STXBP5: variants seen among roughly 807,000 people sequenced by gnomAD.
STXBP5 encodes the protein syntaxin binding protein 5, also known as syntaxin-binding protein 5.
In STXBP5, 50 loss-of-function variants were observed where a neutral mutation model predicts 152.4. The ratio of observed to expected loss-of-function variants is 0.33; its 90% CI spans 0.26 to 0.42. STXBP5 has a LOEUF of 0.42. Ranked by LOEUF, STXBP5 falls within the 10% of genes least tolerant of loss-of-function variation. STXBP5 has a pLI of 1.00. For missense variants in STXBP5, 1,167 were observed against 1,388.6 expected, an observed-to-expected ratio of 0.84 and a Z score of 2.54; for synonymous variants, 492 against 494.7, an observed-to-expected ratio of 0.99 and a Z score of 0.07.
rs553098369 is a variant in STXBP5 at position 147,204,795 on chromosome 6, A to C, written c.150+113A>C. On this transcript the variant is annotated intron_variant, in intron 1 of 27. Coordinates refer to ENST00000321680, the MANE Select transcript of STXBP5 (RefSeq NM_001127715.4). The surrounding 1 kb of genome is among the most constrained non-coding windows in gnomAD (Gnocchi z 4.3). ...AGGGAAGAGAACGCCAATAATAATA[A>C]TAATAACTCTAATAAAAGGCTCGCT... The C allele has an allele frequency of 2.5e-6, 3 of 1,183,022 alleles. No individual in the cohort carries two copies. The South Asian group carries it at 5.3e-5, about 21-fold the overall frequency. 73.3% of individuals were successfully genotyped at this position (1,183,022 alleles called of 1,614,324 possible).
At chr6:147,280,800 G>A (rs1199459784) in intron 8 of STXBP5, among the ~76,000 whole-genome samples, 2 of 152,142 alleles carry the variant, frequency 1.3e-5, no homozygotes, top group Non-Finnish European at 2.9e-5. Flanking sequence ...AAGACAATAT[G>A]TGACTTAATG....
At chr6:147,233,729 T>C (rs1778127904) in intron 2 of STXBP5, among the ~76,000 whole-genome samples, 1 of 151,624 alleles carries the variant, frequency 6.6e-6, no homozygotes, top group East Asian at 1.9e-4. Flanking sequence ...TTTTCTTTTT[T>C]TGGCCTATCA....
At chr6:147,239,905 T>C (rs1778452795) in intron 4 of STXBP5, among the ~76,000 whole-genome samples, 1 of 152,096 alleles carries the variant, frequency 6.6e-6, no homozygotes, top group Non-Finnish European at 1.5e-5. Flanking sequence ...TTCACCCCAA[T>C]TTGATTAATC....
intron 4 of STXBP5, among the ~76,000 whole-genome samples, chr6:147,250,480 A>G (rs1029063754): frequency 3.3e-5 from 5 of 152,188 alleles, no homozygotes; most frequent in Non-Finnish European, 5.9e-5. Flanking sequence ...GAAATGATTT[A>G]AAGTATATGG....
At chr6:147,275,549 CTTTTTTTTT>C (rs71031021) in intron 7 of STXBP5, among the ~76,000 whole-genome samples, 1,985 of 64,454 alleles carry the variant, frequency 0.031, 43 homozygotes, top group African/African-American at 0.12. Flanking sequence ...AGTAAATATT[CTTTTTTTTT>C]TTTTTTTTTT....
At chr6:147,254,023 G>A (rs1270222786) in intron 4 of STXBP5, among the ~76,000 whole-genome samples, 5 of 152,086 alleles carry the variant, frequency 3.3e-5, no homozygotes, top group Non-Finnish European at 7.4e-5. Context: ...GAGGCATCAC[G>A]CTACCTGACT....
At chr6:147,342,700 A>G (rs1562257979) in intron 21 of STXBP5, among the ~76,000 whole-genome samples, 1 of 152,144 alleles carries the variant, frequency 6.6e-6, no homozygotes, top group African/African-American at 2.4e-5. Context: ...CAAAAATTTG[A>G]AAGTATAGAG....
intron 18 of STXBP5, 105 bp downstream of exon 18, chr6:147,327,381 T>A (rs1783319212): frequency 7.5e-7 from 1 of 1,339,574 alleles, no homozygotes; most frequent in Non-Finnish European, 1.0e-6. Context: ...TTGCCTGATT[T>A]AGTCTGTATA....
At chr6:147,217,937 TAAATG>T (rs1654801662) in intron 2 of STXBP5, among the ~76,000 whole-genome samples, 1 of 152,208 alleles carries the variant, frequency 6.6e-6, no homozygotes, top group African/African-American at 2.4e-5. Context: ...TAGTTTTTCT[TAAATG>T]AGATTAGCAG....
intron 2 of STXBP5, among the ~76,000 whole-genome samples, chr6:147,213,109 G>A (rs1224101574): frequency 2.0e-5 from 3 of 152,082 alleles, no homozygotes; most frequent in African/African-American, 4.8e-5. Flanking sequence ...TTTGGTAATT[G>A]TATAGTGTAA....
intron 25 of STXBP5, among the ~76,000 whole-genome samples, chr6:147,370,483 G>A (rs1041343860): frequency 6.6e-6 from 1 of 152,058 alleles, no homozygotes; most frequent in African/African-American, 2.4e-5. Context: ...TCAATGGTAT[G>A]TTTATAGATT....
At chr6:147,316,827 A>G (rs1207921930) in intron 16 of STXBP5, among the ~76,000 whole-genome samples, 1 of 152,110 alleles carries the variant, frequency 6.6e-6, no homozygotes, top group Non-Finnish European at 1.5e-5. Flanking sequence ...AATCTTCACT[A>G]GCACCACCGT....
At chr6:147,218,002 A>G (rs2115068169) in intron 2 of STXBP5, among the ~76,000 whole-genome samples, 1 of 152,030 alleles carries the variant, frequency 6.6e-6, no homozygotes, top group East Asian at 2.0e-4. Context: ...TACTCTTATC[A>G]TGATGATGTG....
At chr6:147,369,490 A>G (rs1342176037) in intron 25 of STXBP5, among the ~76,000 whole-genome samples, 3 of 152,032 alleles carry the variant, frequency 2.0e-5, no homozygotes, top group East Asian at 3.8e-4. Context: ...TAAAATTTCT[A>G]CTCTTCAGAA....
At chr6:147,363,952 A>G (rs1315934455) in intron 24 of STXBP5, 49 bp from the exon 25 acceptor site, 4 of 1,580,682 alleles carry the variant, frequency 2.5e-6, no homozygotes, top group Admixed American at 1.7e-5. Context: ...AGTGTGTTCA[A>G]GACTAAAACC....
chr6:147,229,704 T>C (rs1479788998), intron 2 of STXBP5, among the ~76,000 whole-genome samples: 1 of 152,008 alleles, frequency 6.6e-6, no homozygotes, highest in Non-Finnish European at 1.5e-5. Context: ...TTATGTATAT[T>C]GGTCTTGTAT....
chr6:147,223,233 A>C (rs144509521), intron 2 of STXBP5, among the ~76,000 whole-genome samples: 1 of 152,226 alleles, frequency 6.6e-6, no homozygotes. Context: ...AGTAGGTGCA[A>C]CTATGGAATG....
intron 2 of STXBP5, among the ~76,000 whole-genome samples, chr6:147,228,474 AT>A (rs2115132852): frequency 6.6e-6 from 1 of 152,046 alleles, no homozygotes; most frequent in South Asian, 2.1e-4. Flanking sequence ...GTGGGGACTA[AT>A]TTCGTTTATC....
intron 26 of STXBP5, among the ~76,000 whole-genome samples, chr6:147,378,117 T>G (rs1329352211): frequency 6.6e-6 from 1 of 152,088 alleles, no homozygotes; most frequent in African/African-American, 2.4e-5. Context: ...CTGGTACAAA[T>G]TGGGCTTCAC....
Sources: gnomAD v4.1 joint callset for allele counts (sites outside exome capture counted in the v4.1 genomes callset) on GRCh38, gnomAD v4.1.1 for gene constraint, Gnocchi (gnomAD v3.1) non-coding constraint, MANE v1.5 for transcripts, NCBI Gene and HGNC (gene_info 2026-07-23, HGNC 2026-07-21) for gene names.